SHROOM4: variants seen among roughly 807,000 people sequenced by gnomAD.
SHROOM4 encodes the protein protein Shroom4.
SHROOM4 carries 17 observed loss-of-function variants against 80.3 expected under a neutral mutation model. The observed-to-expected ratio is 0.21, with a 90% CI of 0.14 to 0.32. The LOEUF is 0.32. Ranked by LOEUF, SHROOM4 falls within the 10% of genes least tolerant of loss-of-function variation. SHROOM4 has a pLI of 1.00. For missense variants in SHROOM4, 993 were observed against 1,140.3 expected, an observed-to-expected ratio of 0.87 and a Z score of 1.86; for synonymous variants, 400 against 437.5, an observed-to-expected ratio of 0.91 and a Z score of 1.07.
intron 1 of SHROOM4, among the ~76,000 whole-genome samples, chrX:50,712,918 A>G (rs2147496114): frequency 9.0e-6 from 1 of 111,286 alleles, no homozygotes; most frequent in East Asian, 2.9e-4. Context: ...TCTGCTTTTC[A>G]AGGGTAGGTG....
At chrX:50,802,866 C>T (rs1936154670) in intron 1 of SHROOM4, among the ~76,000 whole-genome samples, 1 of 111,714 alleles carries the variant, frequency 9.0e-6, no homozygotes, top group African/African-American at 3.3e-5. Flanking sequence ...ACCTTTATAT[C>T]CCACTAGTCT....
intron 2 of SHROOM4, among the ~76,000 whole-genome samples, chrX:50,678,367 C>T (rs113019355): frequency 1.5e-3 from 172 of 111,584 alleles, no homozygotes; most frequent in Non-Finnish European, 2.7e-3. Flanking sequence ...AACAAATTCT[C>T]TCCCCTCTCC....
intron 1 of SHROOM4, among the ~76,000 whole-genome samples, chrX:50,735,917 G>A (rs1557266671): frequency 9.2e-6 from 1 of 108,574 alleles, no homozygotes. Context: ...TGAGGCAGGA[G>A]AATAGCTTGA....
At chrX:50,683,112 T>C (rs1932977782) in intron 2 of SHROOM4, among the ~76,000 whole-genome samples, 1 of 111,698 alleles carries the variant, frequency 9.0e-6, no homozygotes, top group African/African-American at 3.3e-5. Context: ...AGCTTGCAGA[T>C]GGCCTATTGT....
chrX:50,785,984 A>G (rs1014009507), intron 1 of SHROOM4, among the ~76,000 whole-genome samples: 2 of 111,846 alleles, frequency 1.8e-5, no homozygotes, highest in Non-Finnish European at 3.8e-5. Context: ...CCACATGAAC[A>G]AACAAATTCA....
intron 1 of SHROOM4, among the ~76,000 whole-genome samples, chrX:50,813,160 T>TGGCGGCGGCAGTGGC (rs1936379496): frequency 9.8e-6 from 1 of 101,999 alleles, no homozygotes; most frequent in South Asian, 4.5e-4. Flanking sequence ...GCGGCGGCAG[T>TGGCGGCGGCAGTGGC]GGCGGCGGCG....
rs781895869 is a variant in SHROOM4, at chrX:50,608,136, A to T, written c.3006T>A (p.His1002Gln). 1 of 1,211,823 alleles carries T rather than the reference A, an allele frequency of 8.3e-7. No homozygotes were observed. Among genetic ancestry groups the T allele is most frequent in the Non-Finnish European group, 1.1e-6 (1 of 895,553 alleles). Reference sequence around the variant, plus strand: ...CCAGTGCTGGGTTCTCAAGGCAAGGATGGAAAGGGGTTGCCCATGAAAAGC... The same window carrying T: ...CCAGTGCTGGGTTCTCAAGGCAAGGTTGGAAAGGGGTTGCCCATGAAAAGC... ...KTSFSWATPFHPCLENPALDL... is the reference protein window; with the variant it reads ...KTSFSWATPFQPCLENPALDL... The change falls in exon 6 of 9, where the codon CAT becomes CAA. Residue 1002 changes from histidine (H) to glutamine (Q), a missense_variant. Transcript: ENST00000376020.
chrX:50,640,692 T>C (rs1422664320), intron 2 of SHROOM4, among the ~76,000 whole-genome samples: 1 of 111,941 alleles, frequency 8.9e-6, no homozygotes, highest in Non-Finnish European at 1.9e-5. Flanking sequence ...TTTCAAAGTC[T>C]TCAATAAGCT....
chrX:50,779,236 C>A (rs1439469388), intron 1 of SHROOM4, among the ~76,000 whole-genome samples: 3 of 111,626 alleles, frequency 2.7e-5, no homozygotes, highest in Non-Finnish European at 5.6e-5. Flanking sequence ...GTTTACACAG[C>A]TTGACTTGAC....
At chrX:50,656,846 T>A (rs1388015191) in intron 2 of SHROOM4, among the ~76,000 whole-genome samples, 1 of 111,526 alleles carries the variant, frequency 9.0e-6, no homozygotes, top group African/African-American at 3.3e-5. Flanking sequence ...AGTATGGACA[T>A]TTTAATGATA....
chrX:50,620,227 G>A (rs180814710), intron 5 of SHROOM4, among the ~76,000 whole-genome samples: 1 of 111,904 alleles, frequency 8.9e-6, no homozygotes, highest in Non-Finnish European at 1.9e-5. Context: ...CATTTTGCCA[G>A]ATTCCTTTCT....
At chrX:50,736,196 C>T (rs1458772339) in intron 1 of SHROOM4, among the ~76,000 whole-genome samples, 1 of 110,217 alleles carries the variant, frequency 9.1e-6, no homozygotes, top group Non-Finnish European at 1.9e-5. Flanking sequence ...TATCTTCATA[C>T]ATGCTAGGTG....
At chrX:50,775,366 C>T (rs144236259) in intron 1 of SHROOM4, among the ~76,000 whole-genome samples, 60 of 111,302 alleles carry the variant, frequency 5.4e-4, no homozygotes, top group African/African-American at 1.8e-3. Context: ...ACCCAGCAAG[C>T]GAGGTCAGAG....
chrX:50,654,612 T>C (rs189601359), intron 2 of SHROOM4, among the ~76,000 whole-genome samples: 315 of 110,469 alleles, frequency 2.9e-3, no homozygotes, highest in Non-Finnish European at 5.0e-3. Flanking sequence ...TAACTACAGT[T>C]ACTATTCTGT....
chrX:50,736,815 G>A (rs963459973), intron 1 of SHROOM4, among the ~76,000 whole-genome samples: 8 of 112,038 alleles, frequency 7.1e-5, no homozygotes, highest in Non-Finnish European at 1.1e-4. Context: ...TTGAGGAATT[G>A]CCACACTGTC....
At chrX:50,785,375 TAACTATTCATAATAGCTATGAAA>T (rs1374366322) in intron 1 of SHROOM4, among the ~76,000 whole-genome samples, 3 of 111,852 alleles carry the variant, frequency 2.7e-5, no homozygotes, top group African/African-American at 3.2e-5. Flanking sequence ...TAGCTATGAA[TAACTATTCATAATAGCTATGAAA>T]AACTATTCAT....
chrX:50,714,543 A>G (rs1469849583), intron 1 of SHROOM4, among the ~76,000 whole-genome samples: 3 of 112,045 alleles, frequency 2.7e-5, no homozygotes, highest in Non-Finnish European at 3.8e-5. Context: ...TACCTCTTAA[A>G]TATGTAGAAT....
intron 1 of SHROOM4, among the ~76,000 whole-genome samples, chrX:50,764,829 G>T (rs782731636): frequency 3.6e-4 from 40 of 111,173 alleles, no homozygotes; most frequent in Non-Finnish European, 7.0e-4. Context: ...TTTTCATACT[G>T]CTATGAAGAA....
chrX:50,755,293 C>T (rs1557268307), intron 1 of SHROOM4, among the ~76,000 whole-genome samples: 1 of 111,891 alleles, frequency 8.9e-6, no homozygotes, highest in Non-Finnish European at 1.9e-5. Context: ...TTAGGTTTTA[C>T]TTATTTACTG....
Sources: gnomAD v4.1 joint callset for allele counts (sites outside exome capture counted in the v4.1 genomes callset) on GRCh38, gnomAD v4.1.1 for gene constraint, MANE v1.5 for transcripts, NCBI Gene and HGNC (gene_info 2026-07-23, HGNC 2026-07-21) for gene names.